Variants in DEPDC5 observed in about 807,000 individuals in gnomAD.
The protein encoded by DEPDC5 is GATOR1 complex protein DEPDC5.
In DEPDC5, 73 loss-of-function variants were observed where a neutral mutation model predicts 217.3. The ratio of observed to expected loss-of-function variants is 0.34; its 90% confidence interval spans 0.28 to 0.41. The LOEUF (loss-of-function observed/expected upper bound fraction) is 0.41, where lower values mean the gene tolerates loss of function less well. Ranked by LOEUF, DEPDC5 falls within the 10% of genes least tolerant of loss-of-function variation. The pLI is 1.00. For missense variants in DEPDC5, 1,675 were observed against 2,070.1 expected (o/e 0.81, Z 3.70); for synonymous variants, 733 against 756.7 (o/e 0.97, Z 0.51).
At chr22:31,824,345 CAAAAA>C (rs767463979) in intron 24 of DEPDC5, among the ~76,000 whole-genome samples, 7 of 135,402 alleles carry the variant, frequency 5.2e-5, no homozygotes, top group East Asian at 2.2e-4. Context: ...GACTTTGTCT[CAAAAA>C]GAAAAAAAAA....
rs557186516 is a variant in DEPDC5, at chr22:31,855,478, G to A, written c.3156-1967G>A. Among the ~76,000 whole-genome samples the A allele has an allele frequency of 4.6e-5, 7 of 151,004 alleles. No homozygotes were observed. In the South Asian group the frequency reaches 1.2e-3, roughly 27 times the overall value. ...TGCAAGTGCCGCTTCCCAGGTTCAC[G>A]CCATTCTCCTGCCTCAGCCTCCCAA... On this transcript the variant is annotated intron_variant, in intron 31 of 42. Transcript: ENST00000651528.
chr22:31,763,219 G>A (rs1363016132), intron 4 of DEPDC5, among the ~76,000 whole-genome samples: 1 of 152,016 alleles, frequency 6.6e-6, no homozygotes, highest in Non-Finnish European at 1.5e-5. Flanking sequence ...TCGAACTGCT[G>A]ACCTCGTGAT....
chr22:31,791,927 A>G (rs1402720904), intron 10 of DEPDC5, 106 bp from the exon 11 acceptor site: 1 of 131,140 alleles, frequency 7.6e-6, no homozygotes, highest in Non-Finnish European at 1.2e-5. Context: ...CTCCGTCTCA[A>G]AAAAAAAAAA....
At chr22:31,802,410 A>G (rs1326208764) in intron 14 of DEPDC5, among the ~76,000 whole-genome samples, 3 of 152,102 alleles carry the variant, frequency 2.0e-5, no homozygotes, top group African/African-American at 7.2e-5. Flanking sequence ...GATTTCAGGC[A>G]TGAGCCACCA....
At chr22:31,837,770 C>T (rs1180386567) in intron 26 of DEPDC5, among the ~76,000 whole-genome samples, 5 of 152,084 alleles carry the variant, frequency 3.3e-5, no homozygotes, top group South Asian at 2.1e-4. Flanking sequence ...GGTGCAGTCT[C>T]ATCTCACTGC....
rs2091858436 is a variant in DEPDC5 at position 31,848,367 on chromosome 22, C to T, written c.3155+1400C>T. On this transcript the variant is annotated intron_variant, in intron 31 of 42. Coordinates refer to ENST00000651528, the MANE Select transcript of DEPDC5 (RefSeq NM_001242896.3). The stretch of plus-strand genomic sequence containing the variant: ...CTAGCAGAGGTTCTCCATGAGGGCC[C>T]TGCCCCTGAAGCAAACTTCTGCCTC... Among the ~76,000 whole-genome samples the T allele has an allele frequency of 3.3e-5, 5 of 152,178 alleles. No individual in the cohort carries two copies. The South Asian group carries it at 1.0e-3, about 32-fold the overall frequency.
chr22:31,768,729 C>A, intron 6 of DEPDC5, 85 bp from the exon 7 acceptor site: 1 of 1,201,526 alleles, frequency 8.3e-7, no homozygotes, highest in Non-Finnish European at 1.2e-6. Context: ...TTTTTCATGG[C>A]CTTAATATGT....
intron 38 of DEPDC5, among the ~76,000 whole-genome samples, chr22:31,892,349 T>A (rs1337258858): frequency 1.3e-5 from 2 of 152,200 alleles, no homozygotes; most frequent in South Asian, 4.1e-4. Context: ...ACTATTTCTT[T>A]TAGAGCAGTT....
At chr22:31,826,533 G>A (rs953298046) in intron 24 of DEPDC5, 1 of 409,362 alleles carries the variant, frequency 2.4e-6, no homozygotes, top group Non-Finnish European at 4.8e-6. Flanking sequence ...CCCTGATTCT[G>A]ACTGGCAGGC....
At chr22:31,759,679 T>A (rs2082228451) in intron 3 of DEPDC5, among the ~76,000 whole-genome samples, 1 of 141,878 alleles carries the variant, frequency 7.0e-6, no homozygotes, top group South Asian at 2.3e-4. Flanking sequence ...GCCCAGCCTT[T>A]TTTTTTTTTT....
chr22:31,754,552 G>A (rs1030668581), intron 1 of DEPDC5, among the ~76,000 whole-genome samples: 9 of 152,230 alleles, frequency 5.9e-5, no homozygotes, highest in Non-Finnish European at 7.3e-5. Context: ...TACTATTTGG[G>A]TGTTATTGGT....
intron 33 of DEPDC5, among the ~76,000 whole-genome samples, chr22:31,870,347 G>GGTCTGCCCTGGTT (rs2092806629): frequency 6.6e-6 from 1 of 152,164 alleles, no homozygotes; most frequent in South Asian, 2.1e-4. Flanking sequence ...GTTGGAGGGT[G>GGTCTGCCCTGGTT]GGAGTTCCCA....
rs765388719 is a variant in DEPDC5 at position 31,819,127 on chromosome 22, A to T, written c.1772A>T (p.Tyr591Phe). ...ATGCTGCATGTTCGACCTGGTGGAT[A>T]CACGCCCCAGAGAGCACTGATTAAC... is the stretch of plus-strand genomic sequence containing the variant. ...ESMLHVRPGG[Y>F]TPQRALINPF... Residue 591 changes from tyrosine to phenylalanine, a missense_variant, in exon 22 of 43, where the codon TAC (tyrosine) becomes TTC (phenylalanine). By Grantham distance (22) the Tyr-to-Phe change is conservative. Coordinates refer to ENST00000651528, the MANE Select transcript of DEPDC5 (RefSeq NM_001242896.3). The T allele has an allele frequency of 1.4e-5, 23 of 1,614,078 alleles. 2 individuals carry two copies. In the South Asian group the frequency reaches 2.3e-4, roughly 16 times the overall value.
chr22:31,768,238 C>T (rs1217636285), intron 6 of DEPDC5, among the ~76,000 whole-genome samples: 1 of 151,904 alleles, frequency 6.6e-6, no homozygotes, highest in Non-Finnish European at 1.5e-5. Flanking sequence ...TTTTAATGAA[C>T]ATTTCAACTT....
chr22:31,871,580 T>C (rs2092844091), intron 34 of DEPDC5, among the ~76,000 whole-genome samples: 1 of 152,206 alleles, frequency 6.6e-6, no homozygotes, highest in African/African-American at 2.4e-5. Flanking sequence ...CATGCCCTTA[T>C]ACCCATCAAG....
intron 7 of DEPDC5, 109 bp from the exon 8 acceptor site, chr22:31,777,990 C>A: frequency 8.4e-7 from 1 of 1,192,896 alleles, no homozygotes; most frequent in Non-Finnish European, 1.2e-6. Flanking sequence ...TCAGGTAATT[C>A]GCCCGCCTTG....
chr22:31,838,280 A>C (rs1204613547), intron 26 of DEPDC5, among the ~76,000 whole-genome samples: 1 of 150,918 alleles, frequency 6.6e-6, no homozygotes, highest in African/African-American at 2.4e-5. Flanking sequence ...TTTTTTTCAT[A>C]TTTTCTATTA....
chr22:31,882,298 G>C (rs557334060), intron 38 of DEPDC5, among the ~76,000 whole-genome samples: 3 of 152,254 alleles, frequency 2.0e-5, no homozygotes, highest in Admixed American at 1.3e-4. Context: ...AGCTAGCTAG[G>C]TGCTTTCAGA....
rs1033431542 is a variant in DEPDC5, at chr22:31,857,525, C to T, written c.3236C>T (p.Thr1079Ile). Residue 1079 changes from threonine to isoleucine, a missense_variant, in exon 32 of 43, where the codon ACT becomes ATT. Transcript: ENST00000651528. ...GCCGAGAGCAGCAGCGTTGCCATGA[C>T]TCCCACCTACATGGACAGCCCACGA... ...QSAESSSVAMTPTYMDSPRKD... is the reference protein window; with the variant it reads ...QSAESSSVAMIPTYMDSPRKD... 11 of 1,611,732 alleles carry T rather than the reference C, an allele frequency of 6.8e-6. No homozygotes were observed. The highest frequency in any genetic ancestry group is 2.2e-5 in the East Asian group (1 of 44,860).
Sources: allele counts gnomAD v4.1 joint callset (sites outside exome capture counted in the v4.1 genomes callset), GRCh38; gene constraint gnomAD v4.1.1; transcripts MANE v1.5; gene names NCBI Gene and HGNC (gene_info 2026-07-23, HGNC 2026-07-21).